Variants in SEMA6A observed in about 807,000 individuals in gnomAD.
SEMA6A encodes semaphorin 6A, also known as semaphorin-6A.
In SEMA6A, 25 loss-of-function variants were observed where a neutral mutation model predicts 96.8. That is an observed-to-expected ratio of 0.26 (90% CI 0.19 to 0.36). The LOEUF (loss-of-function observed/expected upper bound fraction) is 0.36, where lower values mean the gene tolerates loss of function less well. Among genes scored for constraint, SEMA6A ranks in the 10% least tolerant of loss-of-function variants. The probability of loss-of-function intolerance (pLI) is 1.00; values close to 1 mark genes in which losing one functional copy is unlikely to be tolerated. For missense variants in SEMA6A, 1,363 were observed against 1,323.1 expected (o/e 1.03, Z -0.47); for synonymous variants, 612 against 518.0 (o/e 1.18, Z -2.46).
chr5:116,547,648 G>A (rs1182291510), intron 1 of SEMA6A, among the ~76,000 whole-genome samples: 1 of 140,608 alleles, frequency 7.1e-6, no homozygotes, highest in Non-Finnish European at 1.5e-5. Flanking sequence ...TTACTAACAA[G>A]CAAGCATTAA....
intron 1 of SEMA6A, among the ~76,000 whole-genome samples, chr5:116,509,731 G>A (rs530824570): frequency 7.2e-5 from 11 of 152,052 alleles, no homozygotes; most frequent in African/African-American, 2.7e-4. Context: ...GCGGCAGGGG[G>A]AATAAGGGGA....
chr5:116,538,139 C>T (rs1211696075), intron 1 of SEMA6A, among the ~76,000 whole-genome samples: 1 of 152,168 alleles, frequency 6.6e-6, no homozygotes, highest in East Asian at 1.9e-4. Context: ...CACGCCACTG[C>T]ACTCCAGCCT....
At chr5:116,517,883 C>A (rs6594970) in intron 1 of SEMA6A, among the ~76,000 whole-genome samples, 2 of 151,952 alleles carry the variant, frequency 1.3e-5, no homozygotes, top group East Asian at 3.9e-4. Flanking sequence ...TTTTTGTGCA[C>A]TTGGTGATGG....
At chr5:116,482,783 T>C (rs191499236) in intron 10 of SEMA6A, among the ~76,000 whole-genome samples, 422 of 152,354 alleles carry the variant, frequency 2.8e-3, no homozygotes, top group Non-Finnish European at 4.7e-3. Context: ...GGGGTAGTTA[T>C]AGGAAGCTCA....
intron 17 of SEMA6A, 135 bp downstream of exon 17, chr5:116,472,938 A>G (rs1437589939): frequency 1.0e-5 from 16 of 1,528,326 alleles, no homozygotes; most frequent in East Asian, 4.9e-5. Context: ...TGAAATGTCT[A>G]TAAAAAAATG....
chr5:116,445,083 G>A lies in SEMA6A; in HGVS notation c.*1530C>T, dbSNP rs1754102398. On this transcript the variant is annotated 3_prime_UTR_variant, in exon 19 of 19. Transcript: ENST00000343348. ...TGGTTCCAGTTGGCACAACTAGAAG[G>A]CAGTGTGAATTGGAGGGTGTGGTGC... The A allele has an allele frequency of 6.5e-6, 1 of 152,720 alleles. No individual in the cohort carries two copies. Among genetic ancestry groups the A allele is most frequent in the African/African-American group, 2.4e-5 (1 of 41,464 alleles). 9.5% of individuals were successfully genotyped at this position (152,720 alleles called of 1,614,324 possible).
intron 8 of SEMA6A, among the ~76,000 whole-genome samples, chr5:116,488,483 GAGA>G (rs1757173336): frequency 6.6e-6 from 1 of 152,172 alleles, no homozygotes; most frequent in Non-Finnish European, 1.5e-5. Context: ...CCCTATTACA[GAGA>G]AGATTTTGTA....
intron 2 of SEMA6A, among the ~76,000 whole-genome samples, chr5:116,503,497 C>T (rs1757992228): frequency 7.3e-6 from 1 of 137,472 alleles, no homozygotes. Context: ...TACAGTAGTC[C>T]ATTTGGGCTG....
chr5:116,528,579 T>C (rs1302497236), intron 1 of SEMA6A, among the ~76,000 whole-genome samples: 1 of 152,168 alleles, frequency 6.6e-6, no homozygotes, highest in Non-Finnish European at 1.5e-5. Context: ...ATTCTGCCAC[T>C]AAAAGCCTTT....
At chr5:116,514,838 A>T (rs1580461069) in intron 1 of SEMA6A, among the ~76,000 whole-genome samples, 1 of 152,184 alleles carries the variant, frequency 6.6e-6, no homozygotes, top group African/African-American at 2.4e-5. Context: ...AGAGATGGAA[A>T]CAGCCCCTCC....
At chr5:116,524,770 A>G (rs1303913131) in intron 1 of SEMA6A, among the ~76,000 whole-genome samples, 1 of 147,714 alleles carries the variant, frequency 6.8e-6, no homozygotes, top group East Asian at 2.0e-4. Context: ...ATGGGTATGT[A>G]TACACACACA....
In SEMA6A at chr5:116,447,088, T is replaced by A; in HGVS notation, c.2618A>T (p.Asn873Ile). The change falls in exon 19 of 19, where the codon AAC (asparagine) becomes ATC (isoleucine). Residue 873 changes from asparagine (N) to isoleucine (I), a missense_variant. This residue lies in a region of SEMA6A where 883 missense variants were observed against 763.6 expected (regional missense o/e 1.16). Coordinates refer to ENST00000343348, the MANE Select transcript of SEMA6A (RefSeq NM_020796.5). ...AACTTTGGGGGGCAGGCTGTCCAGGTTCTCCACAAGGTTCACCCCATGGTT... is the reference window on the plus strand; with the variant it reads ...AACTTTGGGGGGCAGGCTGTCCAGGATCTCCACAAGGTTCACCCCATGGTT... Reference protein sequence around the residue: ...SPNHGVNLVENLDSLPPKVPQ... With the variant: ...SPNHGVNLVEILDSLPPKVPQ... 6.2e-7 allele frequency: 1 copy of A among 1,613,906 alleles called. No individual in the cohort carries two copies. The highest frequency in any genetic ancestry group is 8.5e-7 in the Non-Finnish European group (1 of 1,179,844).
chr5:116,447,840 G>C (rs1311119989), intron 18 of SEMA6A, 29 bp from the exon 19 acceptor site: 1 of 1,521,802 alleles, frequency 6.6e-7, no homozygotes, highest in Admixed American at 2.1e-5. Context: ...ATGGCGTTAA[G>C]AAATGAAAGC....
At chr5:116,461,251 C>T (rs1247557010) in intron 18 of SEMA6A, among the ~76,000 whole-genome samples, 1 of 152,048 alleles carries the variant, frequency 6.6e-6, no homozygotes, top group African/African-American at 2.4e-5. Context: ...GCGTTCCTTG[C>T]CTCTGACCAT....
intron 1 of SEMA6A, among the ~76,000 whole-genome samples, chr5:116,540,495 T>C (rs918744358): frequency 1.3e-5 from 2 of 152,210 alleles, no homozygotes; most frequent in African/African-American, 4.8e-5. Flanking sequence ...CCATTCCTCC[T>C]GGGAAGGCCT....
chr5:116,508,888 C>A (rs1377497250), intron 1 of SEMA6A, among the ~76,000 whole-genome samples: 1 of 152,192 alleles, frequency 6.6e-6, no homozygotes, highest in Non-Finnish European at 1.5e-5. Flanking sequence ...TACCCAGGTA[C>A]AGGACATCAA....
chr5:116,515,186 C>G (rs1447339391), intron 1 of SEMA6A, among the ~76,000 whole-genome samples: 1 of 152,212 alleles, frequency 6.6e-6, no homozygotes, highest in Non-Finnish European at 1.5e-5. Flanking sequence ...TTTGTAGACA[C>G]TCAAATTAGA....
intron 1 of SEMA6A, among the ~76,000 whole-genome samples, chr5:116,535,564 A>C (rs1163265934): frequency 6.6e-6 from 1 of 152,210 alleles, no homozygotes; most frequent in Non-Finnish European, 1.5e-5. Context: ...CTATCAGCTA[A>C]GGTTCAAGGG....
At chr5:116,571,804 T>A (rs1302117080) in intron 1 of SEMA6A, among the ~76,000 whole-genome samples, 6 of 152,264 alleles carry the variant, frequency 3.9e-5, no homozygotes, top group African/African-American at 1.4e-4. Context: ...CTGCTCCATG[T>A]AGACTAAACA....
Sources: gnomAD v4.1 joint callset for allele counts (sites outside exome capture counted in the v4.1 genomes callset) on GRCh38, gnomAD v4.1.1 for gene constraint, gnomAD v4.1.1 regional missense constraint, MANE v1.5 for transcripts, NCBI Gene and HGNC (gene_info 2026-07-23, HGNC 2026-07-21) for gene names.